RANBP2: variants seen among roughly 807,000 people sequenced by gnomAD.
The protein encoded by RANBP2 is E3 SUMO-protein ligase RanBP2.
RANBP2 carries 57 observed loss-of-function variants against 303.6 expected under a neutral mutation model. That is an observed-to-expected ratio of 0.19 (90% CI 0.15 to 0.23). The LOEUF (loss-of-function observed/expected upper bound fraction) is 0.23. Among genes scored for constraint, RANBP2 ranks in the 10% least tolerant of loss-of-function variants. The pLI, the probability that RANBP2 is intolerant of heterozygous loss-of-function variation, is 1.00. For synonymous variants in RANBP2, 1,167 were observed against 1,301.5 expected (o/e 0.90, Z 2.23); for missense variants, 3,138 against 3,780.8 (o/e 0.83, Z 4.46).
chr2:109,390,530 A>G, the RANBP2 span, among the ~76,000 whole-genome samples: 4 of 152,320 alleles, frequency 2.6e-5, no homozygotes, highest in South Asian at 6.2e-4. Context: ...CACATCACCC[A>G]ATATCAAGAG....
chr2:109,387,133 T>C, the RANBP2 span, among the ~76,000 whole-genome samples: 1 of 152,244 alleles, frequency 6.6e-6, no homozygotes, highest in Non-Finnish European at 1.5e-5. Context: ...CTGTTTCTTT[T>C]ATTCTTTTCT....
the RANBP2 span, among the ~76,000 whole-genome samples, chr2:109,245,424 A>G: frequency 3.3e-5 from 5 of 152,334 alleles, no homozygotes; most frequent in East Asian, 9.6e-4. Context: ...TTGTCTGGAT[A>G]TTCAGACCCT....
the RANBP2 span, among the ~76,000 whole-genome samples, chr2:109,326,388 A>G: frequency 6.6e-6 from 1 of 152,150 alleles, no homozygotes; most frequent in Admixed American, 6.6e-5. Context: ...GTAGAAGTAC[A>G]TCCTTACCCT....
the RANBP2 span, among the ~76,000 whole-genome samples, chr2:108,900,013 A>G: frequency 6.6e-6 from 1 of 152,184 alleles, no homozygotes; most frequent in African/African-American, 2.4e-5. Context: ...TAACACCAGT[A>G]GACTGATAAG....
chr2:109,551,600 G>A, the RANBP2 span, among the ~76,000 whole-genome samples: 8 of 152,278 alleles, frequency 5.3e-5, no homozygotes, highest in African/African-American at 1.9e-4. Flanking sequence ...TTAGGTAAGG[G>A]GAAGGACATA....
chr2:109,211,352 C>T, the RANBP2 span, among the ~76,000 whole-genome samples: 1 of 152,204 alleles, frequency 6.6e-6, no homozygotes, highest in African/African-American at 2.4e-5. Flanking sequence ...CAACAGTAAA[C>T]AGCAATTTAA....
the RANBP2 span, among the ~76,000 whole-genome samples, chr2:109,725,767 C>T: frequency 1.3e-5 from 2 of 152,074 alleles, no homozygotes; most frequent in Non-Finnish European, 2.9e-5. Flanking sequence ...GAGTCTTGCT[C>T]TGTCACCCAG....
At chr2:109,389,941 C>A in the RANBP2 span, among the ~76,000 whole-genome samples, 80 of 152,318 alleles carry the variant, frequency 5.3e-4, no homozygotes, top group Non-Finnish European at 1.0e-3. Flanking sequence ...GTGCCAGCCA[C>A]TCCTCTTGCT....
At chr2:108,940,131 G>T in the RANBP2 span, 1 of 152,266 alleles carries the variant, frequency 6.6e-6, no homozygotes, top group African/African-American at 2.4e-5. Flanking sequence ...ATTGGCACCA[G>T]GATCAATAGA....
At chr2:109,089,863 A>G in the RANBP2 span, among the ~76,000 whole-genome samples, 4 of 152,318 alleles carry the variant, frequency 2.6e-5, no homozygotes, top group South Asian at 8.3e-4. Flanking sequence ...AGAACTGTCT[A>G]TGGGACTACT....
At chr2:109,557,412 A>G in the RANBP2 span, among the ~76,000 whole-genome samples, 2 of 152,208 alleles carry the variant, frequency 1.3e-5, no homozygotes, top group Admixed American at 1.3e-4. Context: ...AAGCCCTGAC[A>G]TTCTAAATAA....
chr2:109,130,622 C>T, the RANBP2 span, among the ~76,000 whole-genome samples: 2 of 152,102 alleles, frequency 1.3e-5, no homozygotes, highest in African/African-American at 4.8e-5. Flanking sequence ...TGGAGGAATG[C>T]TTCTAGTAGT....
At chr2:109,674,260 A>C in the RANBP2 span, among the ~76,000 whole-genome samples, 1 of 151,894 alleles carries the variant, frequency 6.6e-6, no homozygotes, top group Non-Finnish European at 1.5e-5. Context: ...AAATGAAGTA[A>C]AATGGTAGAA....
chr2:109,261,569 C>T, the RANBP2 span, among the ~76,000 whole-genome samples: 1 of 152,028 alleles, frequency 6.6e-6, no homozygotes, highest in Non-Finnish European at 1.5e-5. Flanking sequence ...CAAGTGCATT[C>T]GAAGGGAAGG....
the RANBP2 span, among the ~76,000 whole-genome samples, chr2:109,138,271 C>T: frequency 2.6e-5 from 4 of 152,226 alleles, no homozygotes; most frequent in African/African-American, 9.6e-5. Context: ...TCGTGATCCG[C>T]CCGCCTTGGC....
the RANBP2 span, among the ~76,000 whole-genome samples, chr2:109,042,329 C>CT: frequency 1.3e-5 from 2 of 152,126 alleles, no homozygotes; most frequent in East Asian, 1.9e-4. Flanking sequence ...TTATGTTTGA[C>CT]TTTTTTTCCT....
chr2:109,539,733 G>A, the RANBP2 span, among the ~76,000 whole-genome samples: 1 of 152,146 alleles, frequency 6.6e-6, no homozygotes. Flanking sequence ...GTGAGCCACC[G>A]TGCCCGGCCG....
the RANBP2 span, chr2:108,812,676 A>G: frequency 1.9e-6 from 3 of 1,612,592 alleles, no homozygotes; most frequent in Non-Finnish European, 2.5e-6. Context: ...CATTCAGGCT[A>G]AAAGAGTTCA....
the RANBP2 span, among the ~76,000 whole-genome samples, chr2:108,894,279 A>AATG: frequency 6.6e-6 from 1 of 152,184 alleles, no homozygotes; most frequent in Non-Finnish European, 1.5e-5. Context: ...ATCTCTTTGT[A>AATG]ATGTTTGCTT....
Sources: gnomAD v4.1 joint callset for allele counts (sites outside exome capture counted in the v4.1 genomes callset) on GRCh38, gnomAD v4.1.1 for gene constraint, MANE v1.5 for transcripts, NCBI Gene and HGNC (gene_info 2026-07-23, HGNC 2026-07-21) for gene names.